The following BTRC variants were observed in gnomAD, a reference collection of about 807,000 sequenced individuals.
BTRC encodes the protein F-box/WD repeat-containing protein 1A.
BTRC carries 42 observed loss-of-function variants against 85.5 expected under a neutral mutation model. That is an observed-to-expected ratio of 0.49 (90% CI 0.38 to 0.64). The LOEUF is 0.64. BTRC is among the 30% of genes least tolerant of loss of function. The pLI is 0.00. For missense variants in BTRC, 594 were observed against 743.5 expected, an observed-to-expected ratio of 0.80 and a Z score of 2.34; for synonymous variants, 255 against 263.3, an observed-to-expected ratio of 0.97 and a Z score of 0.30.
intron 4 of BTRC, among the ~76,000 whole-genome samples, chr10:101,495,090 T>C (rs985893559): frequency 1.4e-4 from 22 of 152,196 alleles, no homozygotes. Context: ...TCTATTTTCC[T>C]CTACCAAAGA....
At chr10:101,508,913 T>TAAAAAAAAAAAAAAAAAAAAAA (rs59998718) in intron 4 of BTRC, among the ~76,000 whole-genome samples, 5 of 101,952 alleles carry the variant, frequency 4.9e-5, no homozygotes, top group African/African-American at 7.1e-5. Context: ...GACTCCATCT[T>TAAAAAAAAAAAAAAAAAAAAAA]AAAAAAAAAA....
At chr10:101,444,238 A>G (rs984394519) in intron 2 of BTRC, among the ~76,000 whole-genome samples, 1 of 152,212 alleles carries the variant, frequency 6.6e-6, no homozygotes, top group Non-Finnish European at 1.5e-5. Flanking sequence ...CTGTACATGT[A>G]GCTTAAAAAG....
At chr10:101,373,102 A>G (rs1333884273) in intron 1 of BTRC, among the ~76,000 whole-genome samples, 3 of 152,226 alleles carry the variant, frequency 2.0e-5, no homozygotes, top group Non-Finnish European at 4.4e-5. Flanking sequence ...GGTGTTATTT[A>G]AAAAATTTAA....
At chr10:101,410,618 A>G (rs1038727339) in intron 1 of BTRC, among the ~76,000 whole-genome samples, 1 of 151,924 alleles carries the variant, frequency 6.6e-6, no homozygotes, top group Admixed American at 6.6e-5. Flanking sequence ...TGTCTTGGAC[A>G]AAAAAAAGGA....
At chr10:101,454,806 G>A (rs545244880) in intron 2 of BTRC, among the ~76,000 whole-genome samples, 6 of 152,058 alleles carry the variant, frequency 3.9e-5, no homozygotes, top group African/African-American at 1.2e-4. Context: ...TTTCAACCCC[G>A]AAATTTCAAG....
intron 1 of BTRC, among the ~76,000 whole-genome samples, chr10:101,418,695 AATT>A (rs569509127): frequency 3.3e-5 from 5 of 151,894 alleles, no homozygotes; most frequent in South Asian, 2.1e-4. Flanking sequence ...GGCAAACAAA[AATT>A]ATTATTATTA....
intron 6 of BTRC, 40 bp downstream of exon 6, chr10:101,526,239 AC>A: frequency 6.4e-7 from 1 of 1,564,970 alleles, no homozygotes; most frequent in Non-Finnish European, 8.7e-7. Context: ...CGGCTTCAGG[AC>A]CTGGCCATTC....
intron 2 of BTRC, among the ~76,000 whole-genome samples, chr10:101,451,012 C>T (rs1944943255): frequency 6.6e-6 from 1 of 152,034 alleles, no homozygotes; most frequent in South Asian, 2.1e-4. Flanking sequence ...TGTCAAAGAT[C>T]CTGCACAATT....
intron 1 of BTRC, among the ~76,000 whole-genome samples, chr10:101,378,276 G>A (rs1942841199): frequency 6.6e-6 from 1 of 151,998 alleles, no homozygotes; most frequent in Non-Finnish European, 1.5e-5. Context: ...TTTTGAGTTG[G>A]TTATTAGCTT....
At chr10:101,505,851 A>G (rs996699446) in intron 4 of BTRC, among the ~76,000 whole-genome samples, 7 of 152,274 alleles carry the variant, frequency 4.6e-5, no homozygotes, top group African/African-American at 4.8e-5. Flanking sequence ...AGTGAAAACA[A>G]AATGACTCAG....
intron 6 of BTRC, among the ~76,000 whole-genome samples, chr10:101,527,609 C>A (rs2062211557): frequency 6.6e-6 from 1 of 152,070 alleles, no homozygotes; most frequent in Non-Finnish European, 1.5e-5. Context: ...AAAAAATTAG[C>A]TGGGCCTGGT....
intron 4 of BTRC, among the ~76,000 whole-genome samples, chr10:101,491,647 A>G (rs1946136230): frequency 6.6e-6 from 1 of 152,102 alleles, no homozygotes; most frequent in Admixed American, 6.5e-5. Context: ...CAGTGAGCCA[A>G]GATCGCGCCT....
intron 4 of BTRC, among the ~76,000 whole-genome samples, chr10:101,495,790 A>G (rs1419834525): frequency 6.9e-6 from 1 of 145,918 alleles, no homozygotes; most frequent in Non-Finnish European, 1.6e-5. Context: ...TACCTGTGTG[A>G]TTACCATCAG....
intron 1 of BTRC, among the ~76,000 whole-genome samples, chr10:101,425,406 G>A (rs1011383015): frequency 6.6e-5 from 10 of 152,100 alleles, no homozygotes; most frequent in Admixed American, 3.3e-4. Flanking sequence ...TTTTGCAAAG[G>A]AGAGTCAATT....
At chr10:101,496,008 AT>A (rs71016326) in intron 4 of BTRC, among the ~76,000 whole-genome samples, 76,768 of 148,812 alleles carry the variant, frequency 0.52, 20,338 homozygotes, top group East Asian at 0.72. Context: ...ATCATATAGT[AT>A]TTTTTTTTTT....
At chr10:101,361,291 A>G (rs529347138) in intron 1 of BTRC, among the ~76,000 whole-genome samples, 2 of 152,180 alleles carry the variant, frequency 1.3e-5, no homozygotes, top group South Asian at 4.2e-4. Context: ...TATTTTTAGT[A>G]GAGATGGGGT....
At chr10:101,445,572 G>GGTAT (rs1352917460) in intron 2 of BTRC, among the ~76,000 whole-genome samples, 1 of 152,126 alleles carries the variant, frequency 6.6e-6, no homozygotes, top group African/African-American at 2.4e-5. Flanking sequence ...ATGGATCACT[G>GGTAT]GTATGTAATA....
chr10:101,362,417 T>C (rs1253349177), intron 1 of BTRC, among the ~76,000 whole-genome samples: 1 of 151,202 alleles, frequency 6.6e-6, no homozygotes, highest in African/African-American at 2.4e-5. Context: ...TTTTTTGAGA[T>C]GGAGTTTCGC....
At position 101,534,880 on chromosome 10, in the gene BTRC, T is replaced by C. The variant is rs1450435681; in HGVS notation, c.1317T>C (p.Ile439=). ...VNVVDFDDKY[I]VSASGDRTIK... ...TTGTAGACTTTGATGACAAGTACAT[T>C]GTTTCTGCATCTGGGGATAGAACTA... is the stretch of plus-strand genomic sequence containing the variant. The change falls in exon 10 of 15, where the codon ATT becomes ATC. Residue 439 remains isoleucine (I), a synonymous_variant. Coordinates refer to ENST00000370187, the MANE Select transcript of BTRC (RefSeq NM_033637.4). 1.2e-6 allele frequency: 2 copies of C among 1,614,052 alleles called. No homozygotes were observed. Among genetic ancestry groups the C allele is most frequent in the African/African-American group, 2.7e-5 (2 of 74,938 alleles).
Sources: allele counts gnomAD v4.1 joint callset (sites outside exome capture counted in the v4.1 genomes callset), GRCh38; gene constraint gnomAD v4.1.1; transcripts MANE v1.5; gene names NCBI Gene and HGNC (gene_info 2026-07-23, HGNC 2026-07-21).